UBE2V2: variants seen among roughly 807,000 people sequenced by gnomAD.
The protein encoded by UBE2V2 is ubiquitin-conjugating enzyme E2 variant 2.
UBE2V2 carries 9 observed loss-of-function variants against 17.2 expected under a neutral mutation model. That is an observed-to-expected ratio of 0.52 (90% confidence interval 0.32 to 0.91). The LOEUF (loss-of-function observed/expected upper bound fraction) is 0.91, where lower values mean the gene tolerates loss of function less well. Ranked by LOEUF, UBE2V2 falls within the 40% of genes least tolerant of loss-of-function variation. The pLI, the probability that UBE2V2 is intolerant of heterozygous loss-of-function variation, is 0.04. For missense variants in UBE2V2, 133 were observed against 182.6 expected, an observed-to-expected ratio of 0.73 and a Z score of 1.56; for synonymous variants, 61 against 57.5, an observed-to-expected ratio of 1.06 and a Z score of -0.28.
chr8:48,024,481 G>C (rs1179201435), intron 1 of UBE2V2, among the ~76,000 whole-genome samples: 1 of 152,016 alleles, frequency 6.6e-6, no homozygotes, highest in African/African-American at 2.4e-5. Context: ...TGTAATCCCA[G>C]CTACTCAGGA....
chr8:48,013,987 T>C (rs2091250758), intron 1 of UBE2V2, among the ~76,000 whole-genome samples: 1 of 152,178 alleles, frequency 6.6e-6, no homozygotes, highest in African/African-American at 2.4e-5. Flanking sequence ...GATACTTGGA[T>C]ATGGACAGAA....
chr8:48,009,274 T>C (rs2091210976), intron 1 of UBE2V2, among the ~76,000 whole-genome samples: 2 of 149,536 alleles, frequency 1.3e-5, no homozygotes, highest in Admixed American at 6.6e-5. Context: ...TTTCTTTTTT[T>C]TTTTTTTTTT....
the UBE2V2 span, among the ~76,000 whole-genome samples, chr8:48,002,922 A>C: frequency 6.6e-6 from 1 of 150,586 alleles, no homozygotes. Context: ...AAAAAGAAAG[A>C]GAGAATTGGC....
At chr8:48,009,732 A>G (rs1037751880) in intron 1 of UBE2V2, among the ~76,000 whole-genome samples, 1 of 152,256 alleles carries the variant, frequency 6.6e-6, no homozygotes, top group Non-Finnish European at 1.5e-5. Context: ...ACCTCAGGAT[A>G]CATTCTGCAT....
chr8:48,039,345 C>T (rs753634890), intron 1 of UBE2V2, among the ~76,000 whole-genome samples: 7 of 152,162 alleles, frequency 4.6e-5, no homozygotes, highest in East Asian at 1.9e-4. Flanking sequence ...AATATCTACA[C>T]GTTTGCCCAG....
chr8:48,040,844 GTTT>G lies in UBE2V2; in HGVS notation c.17-2169_17-2167del, dbSNP rs71225699. On this transcript the variant is annotated intron_variant, in intron 1 of 3. Coordinates refer to ENST00000523111, the MANE Select transcript of UBE2V2 (RefSeq NM_003350.3). ...GGTTTCATCATGTTGGCCAGGCTGG[GTTT>G]TTTTTTTTTTTTTTTTTTTGTGTGT... is the stretch of plus-strand genomic sequence containing the variant. Among the ~76,000 whole-genome samples, 7 of 74,130 alleles carry G rather than the reference GTTT, an allele frequency of 9.4e-5. No homozygotes were observed. The South Asian group carries it at 2.2e-3, about 23-fold the overall frequency. 48.6% of individuals were successfully genotyped at this position (74,130 alleles called of 152,430 possible).
rs375571628 is a variant in UBE2V2 at position 48,052,708 on chromosome 8, G to A, written c.291+2730G>A. Among the ~76,000 whole-genome samples, 60 of 152,258 alleles carry A rather than the reference G, an allele frequency of 3.9e-4. 1 individual carries two copies. Among genetic ancestry groups the A allele is most frequent in the African/African-American group, 1.3e-3 (54 of 41,548 alleles). On this transcript the variant is annotated intron_variant, in intron 3 of 3. Coordinates refer to ENST00000523111, the MANE Select transcript of UBE2V2 (RefSeq NM_003350.3). The stretch of plus-strand genomic sequence containing the variant: ...ATCCTCCTAAGAGACAAATTGCGTC[G>A]TGTCATTTCTGCACTTCAGATTCCT...
chr8:48,016,251 G>A (rs189684366), intron 1 of UBE2V2, among the ~76,000 whole-genome samples: 6 of 152,220 alleles, frequency 3.9e-5, no homozygotes, highest in Non-Finnish European at 8.8e-5. Flanking sequence ...TGCATATTTT[G>A]AGTAGTGCTG....
intron 1 of UBE2V2, among the ~76,000 whole-genome samples, chr8:48,026,023 A>G (rs2154507162): frequency 6.6e-6 from 1 of 152,294 alleles, no homozygotes; most frequent in South Asian, 2.1e-4. Context: ...CTGATGAGTT[A>G]TCCTAAACAT....
intron 1 of UBE2V2, among the ~76,000 whole-genome samples, chr8:48,034,373 C>T (rs189229878): frequency 6.6e-6 from 1 of 152,308 alleles, no homozygotes; most frequent in East Asian, 1.9e-4. Context: ...GATCCCCCTG[C>T]CTTGGCCTCC....
chr8:48,021,086 T>G (rs1028013473), intron 1 of UBE2V2, among the ~76,000 whole-genome samples: 42 of 151,072 alleles, frequency 2.8e-4, no homozygotes, highest in Middle Eastern at 3.4e-3. Context: ...GGTTTTTTTT[T>G]TTTTTTTTAA....
At chr8:48,014,974 C>T (rs907093675) in intron 1 of UBE2V2, among the ~76,000 whole-genome samples, 6 of 147,668 alleles carry the variant, frequency 4.1e-5, no homozygotes, top group Admixed American at 2.1e-4. Context: ...GGCATGAACC[C>T]GGGAGGCGGA....
chr8:48,062,997 G>T lies in UBE2V2; in HGVS notation c.*2169G>T, dbSNP rs1157196893. 6.6e-6 allele frequency: 1 copy of T among 152,176 alleles called. No individual in the cohort carries two copies. Among genetic ancestry groups the T allele is most frequent in the Non-Finnish European group, 1.5e-5 (1 of 68,030 alleles). 9.4% of individuals were successfully genotyped at this position (152,176 alleles called of 1,614,324 possible). A position where few individuals can be genotyped will look rare whatever the true frequency, so the allele number is the denominator to read the frequency against. ...ACTGATGATCTGAATCCGTCTCTCT[G>T]ATAACCTCCTTTCCATTTTGAAAAT... On this transcript the variant is annotated 3_prime_UTR_variant, in exon 4 of 4. Coordinates refer to ENST00000523111, the MANE Select transcript of UBE2V2 (RefSeq NM_003350.3).
intron 1 of UBE2V2, among the ~76,000 whole-genome samples, chr8:48,029,815 C>T (rs2091370687): frequency 6.6e-6 from 1 of 152,272 alleles, no homozygotes; most frequent in South Asian, 2.1e-4. Flanking sequence ...GGAGAGATAT[C>T]TGTTTATTTT....
At chr8:48,057,117 G>A (rs2091578425) in intron 3 of UBE2V2, among the ~76,000 whole-genome samples, 1 of 152,022 alleles carries the variant, frequency 6.6e-6, no homozygotes, top group South Asian at 2.1e-4. Flanking sequence ...TGAATTTTAA[G>A]ATAAGCCTGT....
intron 2 of UBE2V2, among the ~76,000 whole-genome samples, chr8:48,048,611 C>T (rs955104060): frequency 5.3e-5 from 8 of 152,148 alleles, no homozygotes; most frequent in African/African-American, 1.9e-4. Flanking sequence ...TGCTATTAAT[C>T]TCAGATGAGT....
Position 48,060,686 on chromosome 8 carries a change from A to T in UBE2V2, c.296A>T (p.Asp99Val). 3 of 1,483,318 alleles carry T rather than the reference A, an allele frequency of 2.0e-6. No individual in the cohort carries two copies. The highest frequency in any genetic ancestry group is 2.7e-6 in the Non-Finnish European group (3 of 1,117,068). 91.9% of individuals were successfully genotyped at this position (1,483,318 alleles called of 1,614,324 possible). The change falls in exon 4 of 4, where the codon GAT becomes GTT. Residue 99 changes from aspartate to valine, a missense_variant. Coordinates refer to ENST00000523111, the MANE Select transcript of UBE2V2 (RefSeq NM_003350.3). ...NGINNSSGMV[D>V]ARSIPVLAKW... ...TACTCTTTCCTCCCCTTTCAGGTGGATGCCCGGAGCATACCAGTGTTAGCA... is the reference window on the plus strand; with the variant it reads ...TACTCTTTCCTCCCCTTTCAGGTGGTTGCCCGGAGCATACCAGTGTTAGCA...
intron 1 of UBE2V2, among the ~76,000 whole-genome samples, chr8:48,024,114 T>C (rs1470573583): frequency 6.6e-6 from 1 of 152,174 alleles, no homozygotes; most frequent in African/African-American, 2.4e-5. Context: ...TAGAAGGAGA[T>C]AAATCCTTGT....
chr8:48,042,998 G>A (rs766043752), intron 1 of UBE2V2, 35 bp from the exon 2 acceptor site: 17 of 1,414,484 alleles, frequency 1.2e-5, no homozygotes, highest in Non-Finnish European at 1.4e-5. Flanking sequence ...ATAATTATGA[G>A]CTTTTTACAT....
Sources: allele counts gnomAD v4.1 joint callset (sites outside exome capture counted in the v4.1 genomes callset), GRCh38; gene constraint gnomAD v4.1.1; transcripts MANE v1.5; gene names NCBI Gene and HGNC (gene_info 2026-07-23, HGNC 2026-07-21).